RCC2: variants seen among roughly 807,000 people sequenced by gnomAD.
RCC2 encodes the protein protein RCC2.
In RCC2, 19 loss-of-function variants were observed where a neutral mutation model predicts 64.1. That is an observed-to-expected ratio of 0.30 (90% CI 0.21 to 0.44). The LOEUF is 0.44. Among genes scored for constraint, RCC2 ranks in the 20% least tolerant of loss-of-function variants. The pLI is 1.00. For missense variants in RCC2, 508 were observed against 710.4 expected (o/e 0.72, Z 3.24); for synonymous variants, 325 against 279.6 (o/e 1.16, Z -1.62).
intron 2 of RCC2, among the ~76,000 whole-genome samples, chr1:17,433,514 G>A (rs532127456): frequency 3.2e-4 from 48 of 152,308 alleles, no homozygotes; most frequent in Non-Finnish European, 4.7e-4. Context: ...ATGGGCCTAC[G>A]GATTGTTTTT....
At chr1:17,417,767 G>A (rs1311220580) in intron 7 of RCC2, among the ~76,000 whole-genome samples, 3 of 152,050 alleles carry the variant, frequency 2.0e-5, no homozygotes, top group Non-Finnish European at 4.4e-5. Context: ...CATACGGCAC[G>A]CTGGTGTGCA....
Position 17,408,603 on chromosome 1 carries a change from C to A in RCC2, c.*487G>T, listed in dbSNP as rs187525387. The A allele has an allele frequency of 3.1e-3, 490 of 159,820 alleles. 3 individuals carry two copies. The highest frequency in any genetic ancestry group is 0.01 in the African/African-American group (416 of 41,582). 9.9% of individuals were successfully genotyped at this position (159,820 alleles called of 1,614,324 possible). ...GTGACCCGGATGCTTCCGAAGCACG[C>A]GAGCGTGATTTTGGATGGAGGCGGG... On this transcript the variant is annotated 3_prime_UTR_variant, in exon 13 of 13. Coordinates refer to ENST00000375436, the MANE Select transcript of RCC2 (RefSeq NM_018715.4).
chr1:17,416,245 G>A (rs939030029), intron 8 of RCC2, among the ~76,000 whole-genome samples: 1 of 152,172 alleles, frequency 6.6e-6, no homozygotes, highest in African/African-American at 2.4e-5. Flanking sequence ...AAACATCTAC[G>A]TGTTTAAGAT....
chr1:17,429,694 C>T (rs576941527), intron 2 of RCC2, among the ~76,000 whole-genome samples: 6 of 152,280 alleles, frequency 3.9e-5, no homozygotes, highest in Admixed American at 3.9e-4. Flanking sequence ...AGGAAGAAAA[C>T]AGTAGAGAAC....
intron 2 of RCC2, among the ~76,000 whole-genome samples, chr1:17,434,022 G>A (rs547534333): frequency 6.6e-6 from 1 of 152,176 alleles, no homozygotes; most frequent in Non-Finnish European, 1.5e-5. Context: ...TGGGCAGCTT[G>A]CAACACTCAC....
At chr1:17,431,168 T>TAA (rs1267884597) in intron 2 of RCC2, among the ~76,000 whole-genome samples, 2 of 147,728 alleles carry the variant, frequency 1.4e-5, no homozygotes, top group Non-Finnish European at 3.0e-5. Flanking sequence ...CCATCTCTAC[T>TAA]AAAAATACAA....
At position 17,430,717 on chromosome 1, in the gene RCC2, G is replaced by T. The variant is rs374656632; in HGVS notation, c.286-1518C>A. 5.9e-5 allele frequency among the ~76,000 whole-genome samples: 9 copies of T among 152,108 alleles called. No homozygotes were observed. In the East Asian group the frequency reaches 7.9e-4, roughly 13 times the overall value. ...GTAGAAGAATCCCTTGAACCCGGGA[G>T]GCGGAGGTTGCAGTAAGCTGAGATT... On this transcript the variant is annotated intron_variant, in intron 2 of 12. Transcript: ENST00000375436.
intron 2 of RCC2, among the ~76,000 whole-genome samples, chr1:17,433,405 G>A (rs966460947): frequency 3.9e-5 from 6 of 152,250 alleles, no homozygotes; most frequent in African/African-American, 9.6e-5. Context: ...CCGCGCTTGC[G>A]GGCTCCACCC....
intron 1 of RCC2, 38 bp from the exon 2 acceptor site, chr1:17,438,560 G>A (rs202107696): frequency 2.3e-6 from 3 of 1,291,132 alleles, no homozygotes; most frequent in Non-Finnish European, 2.9e-6. Context: ...ACAATGGACG[G>A]GTTATAAACT....
chr1:17,422,583 G>A, intron 5 of RCC2, 122 bp downstream of exon 5: 1 of 1,309,634 alleles, frequency 7.6e-7, no homozygotes, highest in Non-Finnish European at 1.1e-6. Flanking sequence ...GGTTCTCAGG[G>A]CCTCTTTCTG....
intron 11 of RCC2, among the ~76,000 whole-genome samples, chr1:17,411,022 C>T (rs925749999): frequency 6.6e-6 from 1 of 152,022 alleles, no homozygotes; most frequent in Non-Finnish European, 1.5e-5. Context: ...TGCAGAGCCC[C>T]GAGAAAAAGG....
intron 3 of RCC2, among the ~76,000 whole-genome samples, chr1:17,426,346 AGT>A (rs2075616192): frequency 6.6e-6 from 1 of 152,104 alleles, no homozygotes; most frequent in Admixed American, 6.6e-5. Flanking sequence ...TCACCCGTCC[AGT>A]GTGACAGCCA....
chr1:17,414,394 G>A (rs1216886470), intron 8 of RCC2, among the ~76,000 whole-genome samples: 1 of 152,000 alleles, frequency 6.6e-6, no homozygotes, highest in African/African-American at 2.4e-5. Flanking sequence ...GCTGGGCACA[G>A]TGGTGTGCAC....
At chr1:17,418,246 G>A (rs982928044) in intron 7 of RCC2, among the ~76,000 whole-genome samples, 1 of 141,228 alleles carries the variant, frequency 7.1e-6, no homozygotes, top group African/African-American at 2.7e-5. Context: ...ACAGAGTCTC[G>A]CTCTGTCGCC....
At chr1:17,412,075 C>T (rs1381694395) in intron 11 of RCC2, 47 bp downstream of exon 11, 2 of 855,414 alleles carry the variant, frequency 2.3e-6, no homozygotes, top group African/African-American at 3.6e-5. Context: ...CCATGAGCCA[C>T]CCTGACTGGC....
chr1:17,431,499 CAAAAAAAA>C (rs558362245), intron 2 of RCC2, among the ~76,000 whole-genome samples: 7 of 57,904 alleles, frequency 1.2e-4, no homozygotes, highest in Non-Finnish European at 1.8e-4. Flanking sequence ...AGCCCTGTCT[CAAAAAAAA>C]AAAAAAAAAA....
Position 17,416,634 on chromosome 1 carries a change from T to C in RCC2, c.872A>G (p.Asp291Gly). The change falls in exon 8 of 13, where the codon GAT (aspartate) becomes GGT (glycine). Residue 291 changes from aspartate (D) to glycine (G), a missense_variant. Asp to Gly is a moderately conservative substitution (Grantham distance 94, BLOSUM62 -1). This residue lies in a region of RCC2 where 179 missense variants were observed against 322.0 expected (regional missense o/e 0.56). Transcript: ENST00000375436. ...PEYGQLGHNS[D>G]GKFIARAQRI... The stretch of plus-strand genomic sequence containing the variant: ...CTGTGCCCGGGCGATGAACTTCCCA[T>C]CTGAGTTGTGTCCTGTAGAGACCAC... 6.2e-7 allele frequency: 1 copy of C among 1,612,878 alleles called. No individual in the cohort carries two copies. Among genetic ancestry groups the C allele is most frequent in the Non-Finnish European group, 8.5e-7 (1 of 1,179,536 alleles).
At chr1:17,415,756 T>C (rs1354292095) in intron 8 of RCC2, among the ~76,000 whole-genome samples, 1 of 149,172 alleles carries the variant, frequency 6.7e-6, no homozygotes, top group African/African-American at 2.5e-5. Context: ...CACTGCAGTT[T>C]ATCTAAAGTG....
intron 4 of RCC2, among the ~76,000 whole-genome samples, chr1:17,424,216 G>A (rs1276375950): frequency 6.6e-6 from 1 of 152,220 alleles, no homozygotes; most frequent in East Asian, 1.9e-4. Flanking sequence ...AGAGTGGCGA[G>A]CAGTGGGCCT....
Sources: allele counts gnomAD v4.1 joint callset (sites outside exome capture counted in the v4.1 genomes callset), GRCh38; gene constraint gnomAD v4.1.1; regional missense constraint gnomAD v4.1.1; transcripts MANE v1.5; gene names NCBI Gene and HGNC (gene_info 2026-07-23, HGNC 2026-07-21).